ATRX: variants seen among roughly 807,000 people sequenced by gnomAD.
ATRX encodes the protein ATRX chromatin remodeler.
ATRX carries 12 observed loss-of-function variants against 172.6 expected under a neutral mutation model. That is an observed-to-expected ratio of 0.07 (90% CI 0.04 to 0.11). The LOEUF (loss-of-function observed/expected upper bound fraction) is 0.11, where lower values mean the gene tolerates loss of function less well. Among genes scored for constraint, ATRX ranks in the 10% least tolerant of loss-of-function variants. The pLI is 1.00. For synonymous variants in ATRX, 674 were observed against 594.7 expected (o/e 1.13, Z -1.94); for missense variants, 1,368 against 1,767.4 (o/e 0.77, Z 4.05).
intron 25 of ATRX, 26 bp from the exon 26 acceptor site, chrX:77,593,875 T>C: frequency 2.5e-6 from 3 of 1,176,903 alleles, no homozygotes; most frequent in Non-Finnish European, 3.5e-6. Flanking sequence ...GGAACATAAG[T>C]AGGTAAATTA....
At chrX:77,621,841 TAAA>T (rs782140449) in intron 19 of ATRX, among the ~76,000 whole-genome samples, 21 of 108,871 alleles carry the variant, frequency 1.9e-4, no homozygotes, top group East Asian at 2.8e-4. Context: ...ACACAAATAG[TAAA>T]AAAAAACAAC....
At chrX:77,522,837 T>C (rs1181972998) in intron 31 of ATRX, among the ~76,000 whole-genome samples, 1 of 111,985 alleles carries the variant, frequency 8.9e-6, no homozygotes, top group Non-Finnish European at 1.9e-5. Flanking sequence ...TAATGAAATA[T>C]TTTTGTGTTC....
rs782452559 is a variant in ATRX, at chrX:77,512,012, C to T, written c.7201-3383G>A. ...AGCAGATTTAACCTAATGAAGACTA[C>T]CTCCTACCATTTAATAATCAAACTC... On this transcript the variant is annotated intron_variant, in intron 34 of 34. Coordinates refer to ENST00000373344, the MANE Select transcript of ATRX (RefSeq NM_000489.6). Among the ~76,000 whole-genome samples the T allele has an allele frequency of 8.1e-5, 9 of 111,653 alleles. No individual in the cohort carries two copies. The South Asian group carries it at 3.4e-3, about 42-fold the overall frequency.
At chrX:77,559,709 G>A (rs1163135727) in intron 28 of ATRX, among the ~76,000 whole-genome samples, 6 of 109,197 alleles carry the variant, frequency 5.5e-5, no homozygotes, top group Non-Finnish European at 7.6e-5. Flanking sequence ...TGCCCACCTC[G>A]GCCTCCCAAA....
At chrX:77,622,033 T>C (rs1486688802) in intron 19 of ATRX, among the ~76,000 whole-genome samples, 3 of 111,984 alleles carry the variant, frequency 2.7e-5, no homozygotes, top group African/African-American at 6.5e-5. Flanking sequence ...TGAGGATGCG[T>C]TGAAATGGGT....
chrX:77,525,391 T>C (rs1225313024), intron 30 of ATRX, among the ~76,000 whole-genome samples: 2 of 111,259 alleles, frequency 1.8e-5, no homozygotes, highest in African/African-American at 3.3e-5. Flanking sequence ...CCCCAACACA[T>C]ACATGCCAAA....
chrX:77,520,709 C>G, intron 34 of ATRX, 79 bp downstream of exon 34: 1 of 1,040,976 alleles, frequency 9.6e-7, no homozygotes, highest in African/African-American at 1.8e-5. Flanking sequence ...TAATTACTGA[C>G]GTAGATGTCA....
In ATRX at chrX:77,683,296, G is replaced by C. The variant is rs1557140492; in HGVS notation, c.1960C>G (p.Arg654Gly). ...GTAGTCTTTACACGTGGGGATCTTC[G>C]AAGATCAGATTCCTCTAAAAGTAAT... ...VSLLLEESDLRRSPRVKTTPL... is the reference protein window; with the variant it reads ...VSLLLEESDLGRSPRVKTTPL... The change falls in exon 9 of 35, where the codon CGA (arginine) becomes GGA (glycine). Residue 654 changes from arginine (R) to glycine (G), a missense_variant. Coordinates refer to ENST00000373344, the MANE Select transcript of ATRX (RefSeq NM_000489.6). 8 of 1,210,048 alleles carry C rather than the reference G, an allele frequency of 6.6e-6. No homozygotes were observed. Among genetic ancestry groups the C allele is most frequent in the African/African-American group, 1.7e-5 (1 of 57,649 alleles).
At chrX:77,765,290 C>A (rs2075868063) in intron 1 of ATRX, among the ~76,000 whole-genome samples, 2 of 112,311 alleles carry the variant, frequency 1.8e-5, no homozygotes, top group Admixed American at 1.9e-4. Context: ...AAGGAAACAG[C>A]TCTGAAGCAC....
intron 30 of ATRX, among the ~76,000 whole-genome samples, chrX:77,528,020 C>T (rs966179515): frequency 1.5e-4 from 2 of 13,544 alleles, no homozygotes. Flanking sequence ...TGATCTCTCG[C>T]TGGGAGGGAG....
rs1443531518 is a variant in ATRX at position 77,715,235 on chromosome X, G to T, written c.133+1896C>A. ...CACATATACATCGGTGGTCCCATAA[G>T]ATTATAATACTGTATTTTTACTGTA... On this transcript the variant is annotated intron_variant, in intron 2 of 34. Transcript: ENST00000373344. Among the ~76,000 whole-genome samples the T allele has an allele frequency of 2.7e-5, 3 of 111,654 alleles. No individual in the cohort carries two copies. In the Admixed American group the frequency reaches 2.9e-4, roughly 11 times the overall value.
Position 77,746,064 on chromosome X carries a change from A to G in ATRX, c.21-28821T>C, listed in dbSNP as rs782786649. 4.5e-5 allele frequency among the ~76,000 whole-genome samples: 5 copies of G among 111,819 alleles called. No homozygotes were observed. In the South Asian group the frequency reaches 1.9e-3, roughly 42 times the overall value. On this transcript the variant is annotated intron_variant, in intron 1 of 34. Transcript: ENST00000373344. Reference sequence around the variant, plus strand: ...CATACACTGTTGGTGGGAATAACACATGTTCTCATTCACATGTGGATGCTG... The same window carrying G: ...CATACACTGTTGGTGGGAATAACACGTGTTCTCATTCACATGTGGATGCTG...
intron 21 of ATRX, among the ~76,000 whole-genome samples, chrX:77,617,423 A>C (rs1016811943): frequency 9.0e-5 from 10 of 111,277 alleles, no homozygotes; most frequent in South Asian, 3.8e-4. Context: ...TAATGATGGC[A>C]AGTACAGTCA....
intron 25 of ATRX, chrX:77,596,293 T>C (rs1433574928): frequency 9.0e-6 from 1 of 111,420 alleles, no homozygotes; most frequent in African/African-American, 3.3e-5. Context: ...GGAGGCAGAC[T>C]AGCCCCTTAA....
chrX:77,760,233 C>T (rs1180253111), intron 1 of ATRX, among the ~76,000 whole-genome samples: 1 of 105,871 alleles, frequency 9.4e-6, no homozygotes, highest in East Asian at 2.9e-4. Context: ...ACATCAAAAT[C>T]CTAAAAACAA....
intron 1 of ATRX, among the ~76,000 whole-genome samples, chrX:77,778,449 G>T (rs1473464077): frequency 3.7e-5 from 4 of 107,494 alleles, no homozygotes; most frequent in African/African-American, 1.4e-4. Flanking sequence ...TAGGCAGGGC[G>T]CGGTGGCTCA....
chrX:77,678,446 C>A (rs1433971995), intron 9 of ATRX, among the ~76,000 whole-genome samples: 1 of 112,304 alleles, frequency 8.9e-6, no homozygotes, highest in Admixed American at 9.4e-5. Context: ...AAGTAGTTCA[C>A]TTGCCATTTA....
chrX:77,595,265 A>G (rs2066431606), intron 25 of ATRX: 1 of 111,206 alleles, frequency 9.0e-6, no homozygotes, highest in South Asian at 3.7e-4. Flanking sequence ...TTATTTTCTC[A>G]GGTGTAGCTA....
intron 2 of ATRX, 128 bp from the exon 3 acceptor site, chrX:77,698,757 C>T (rs1029014798): frequency 1.9e-6 from 1 of 526,861 alleles, no homozygotes; most frequent in African/African-American, 2.3e-5. Flanking sequence ...ACATACTACT[C>T]ACATTAAAAT....
Sources: gnomAD v4.1 joint callset for allele counts (sites outside exome capture counted in the v4.1 genomes callset) on GRCh38, gnomAD v4.1.1 for gene constraint, MANE v1.5 for transcripts, NCBI Gene and HGNC (gene_info 2026-07-23, HGNC 2026-07-21) for gene names.